Variants in LPP observed in about 807,000 individuals in gnomAD.
LPP encodes lipoma-preferred partner.
Under a neutral mutation model 60.4 loss-of-function variants are expected in LPP, and 38 were observed. That is an observed-to-expected ratio of 0.63 (90% CI 0.49 to 0.83). The LOEUF (loss-of-function observed/expected upper bound fraction) is 0.83. Among genes scored for constraint, LPP ranks in the 40% least tolerant of loss-of-function variants. The probability of loss-of-function intolerance (pLI) is 0.00; values close to 1 mark genes in which losing one functional copy is unlikely to be tolerated. For synonymous variants in LPP, 328 were observed against 290.8 expected (o/e 1.13, Z -1.30); for missense variants, 902 against 783.6 (o/e 1.15, Z -1.80).
At chr3:188,503,906 C>A (rs1812696051) in intron 5 of LPP, among the ~76,000 whole-genome samples, 1 of 152,138 alleles carries the variant, frequency 6.6e-6, no homozygotes, top group Admixed American at 6.5e-5. Flanking sequence ...TAGAAGGTGC[C>A]TCACTATTTG....
intron 4 of LPP, among the ~76,000 whole-genome samples, chr3:188,472,339 G>A (rs1802055118): frequency 6.6e-6 from 1 of 151,966 alleles, no homozygotes; most frequent in South Asian, 2.1e-4. Flanking sequence ...AGCAGGTGGT[G>A]AAGTAAATTT....
At chr3:188,558,247 C>G (rs1012280672) in intron 6 of LPP, among the ~76,000 whole-genome samples, 1 of 152,224 alleles carries the variant, frequency 6.6e-6, no homozygotes, top group South Asian at 2.1e-4. Context: ...CTGTGCTGTA[C>G]TCTGTAGAGT....
chr3:188,181,694 A>G (rs1321285360), intron 1 of LPP, among the ~76,000 whole-genome samples: 1 of 152,218 alleles, frequency 6.6e-6, no homozygotes, highest in East Asian at 1.9e-4. Flanking sequence ...AATGTTTAAA[A>G]ATTTATTTAA....
chr3:188,158,189 A>G (rs1400005441), intron 1 of LPP, among the ~76,000 whole-genome samples: 1 of 152,084 alleles, frequency 6.6e-6, no homozygotes, highest in Non-Finnish European at 1.5e-5. Flanking sequence ...GGCCGCGATT[A>G]GAGGATCCAA....
intron 6 of LPP, among the ~76,000 whole-genome samples, chr3:188,578,313 T>C (rs1314731926): frequency 6.6e-6 from 1 of 152,032 alleles, no homozygotes; most frequent in African/African-American, 2.4e-5. Flanking sequence ...AAAATCTTGA[T>C]TGGCCTCCTT....
intron 4 of LPP, among the ~76,000 whole-genome samples, chr3:188,425,036 A>T (rs530398605): frequency 6.6e-6 from 1 of 152,264 alleles, no homozygotes; most frequent in African/African-American, 2.4e-5. Flanking sequence ...TTTCAAAGGG[A>T]AAGCTTTCAG....
At chr3:188,740,169 G>A (rs1723913384) in intron 8 of LPP, among the ~76,000 whole-genome samples, 1 of 152,024 alleles carries the variant, frequency 6.6e-6, no homozygotes, top group Non-Finnish European at 1.5e-5. Context: ...ATCAACACAG[G>A]CATCAGAAAG....
intron 9 of LPP, among the ~76,000 whole-genome samples, chr3:188,786,225 C>CA (rs929134881): frequency 5.3e-5 from 8 of 150,440 alleles, no homozygotes; most frequent in African/African-American, 9.8e-5. Flanking sequence ...ACTAAAAATA[C>CA]AAAAAAAATT....
At chr3:188,475,236 T>C (rs1186325086) in intron 4 of LPP, among the ~76,000 whole-genome samples, 2 of 152,222 alleles carry the variant, frequency 1.3e-5, no homozygotes, top group South Asian at 2.1e-4. Context: ...GGAGACGTCA[T>C]CTACTTTAAA....
At chr3:188,234,293 G>A (rs1157941509) in intron 2 of LPP, among the ~76,000 whole-genome samples, 2 of 152,124 alleles carry the variant, frequency 1.3e-5, no homozygotes, top group Non-Finnish European at 2.9e-5. Flanking sequence ...TTGTGGTTCA[G>A]TTTTTCTCAG....
chr3:188,161,488 T>C (rs1181792970), intron 1 of LPP, among the ~76,000 whole-genome samples: 1 of 152,164 alleles, frequency 6.6e-6, no homozygotes, highest in Admixed American at 6.5e-5. Context: ...AAGTTTGTAG[T>C]CAACAGGAGA....
intron 9 of LPP, among the ~76,000 whole-genome samples, chr3:188,815,153 C>T (rs1296480214): frequency 6.6e-6 from 1 of 152,188 alleles, no homozygotes; most frequent in Middle Eastern, 3.4e-3. Flanking sequence ...ATTTAGTGCC[C>T]CTAACACTTC....
chr3:188,238,312 G>A (rs1679446819), intron 2 of LPP, among the ~76,000 whole-genome samples: 2 of 151,716 alleles, frequency 1.3e-5, no homozygotes, highest in African/African-American at 4.8e-5. Context: ...CAGCAATAAG[G>A]TTGTTTCACT....
intron 2 of LPP, chr3:188,240,114 C>G (rs570017691): frequency 1.0e-5 from 2 of 193,588 alleles, no homozygotes; most frequent in East Asian, 8.1e-5. Context: ...CATCTGTGAC[C>G]TGGGATGATG....
intron 1 of LPP, among the ~76,000 whole-genome samples, chr3:188,215,452 C>G (rs1211722743): frequency 6.6e-6 from 1 of 152,124 alleles, no homozygotes; most frequent in Admixed American, 6.5e-5. Context: ...TCCTCCAGCC[C>G]CTGGCATCCT....
chr3:188,756,588 C>G (rs143993540), intron 8 of LPP, among the ~76,000 whole-genome samples: 5 of 152,346 alleles, frequency 3.3e-5, no homozygotes, highest in Non-Finnish European at 7.3e-5. Flanking sequence ...TCTCTCCATT[C>G]TGAATCTCTC....
intron 7 of LPP, among the ~76,000 whole-genome samples, chr3:188,636,781 C>T (rs917336388): frequency 6.6e-6 from 1 of 151,834 alleles, no homozygotes; most frequent in Non-Finnish European, 1.5e-5. Flanking sequence ...CTGGGAGGCA[C>T]CCCCCTGCAG....
Position 188,610,687 on chromosome 3 carries a change from T to C in LPP, c.1113+843T>C, listed in dbSNP as rs75114705. ...CTTCGTCTGAATAGGTAAGGTGTAATACTACACATGCCCACTCACCACAAC... is the reference window on the plus strand; with the variant it reads ...CTTCGTCTGAATAGGTAAGGTGTAACACTACACATGCCCACTCACCACAAC... On this transcript the variant is annotated intron_variant, in intron 7 of 11. Coordinates refer to ENST00000617246, the MANE Select transcript of LPP (RefSeq NM_001375462.1). This position sits in a 1 kb window ranked among gnomAD's most constrained non-coding sequence, Gnocchi z 4.4. Among the ~76,000 whole-genome samples, 836 of 152,328 alleles carry C rather than the reference T, an allele frequency of 5.5e-3. 7 individuals are homozygous for C. The highest frequency in any genetic ancestry group is 0.019 in the African/African-American group (807 of 41,572).
intron 7 of LPP, among the ~76,000 whole-genome samples, chr3:188,683,549 T>C (rs1360708093): frequency 6.6e-6 from 1 of 152,192 alleles, no homozygotes; most frequent in Non-Finnish European, 1.5e-5. Flanking sequence ...CTTAGGGAAA[T>C]AGTCTGTAGG....
Sources: allele counts gnomAD v4.1 joint callset (sites outside exome capture counted in the v4.1 genomes callset), GRCh38; gene constraint gnomAD v4.1.1; non-coding constraint Gnocchi (gnomAD v3.1); transcripts MANE v1.5; gene names NCBI Gene and HGNC (gene_info 2026-07-23, HGNC 2026-07-21).